MACROD2: variants seen among roughly 807,000 people sequenced by gnomAD.
MACROD2 encodes mono-ADP ribosylhydrolase 2.
A neutral mutation model predicts 70.4 loss-of-function variants in MACROD2; 36 were observed. That is an observed-to-expected ratio of 0.51 (90% CI 0.39 to 0.68). MACROD2 has a LOEUF of 0.68. MACROD2 is among the 30% of genes least tolerant of loss of function. The pLI, the probability that MACROD2 is intolerant of heterozygous loss-of-function variation, is 0.00. For missense variants in MACROD2, 496 were observed against 538.4 expected, an observed-to-expected ratio of 0.92 and a Z score of 0.78; for synonymous variants, 172 against 178.8, an observed-to-expected ratio of 0.96 and a Z score of 0.30.
At chr20:15,668,965 A>G (rs943500328) in intron 8 of MACROD2, among the ~76,000 whole-genome samples, 7 of 152,248 alleles carry the variant, frequency 4.6e-5, no homozygotes, top group African/African-American at 1.7e-4. Context: ...AGCATGACCT[A>G]GAAATAGCAA....
chr20:14,168,684 T>C (rs1046616250), intron 3 of MACROD2, among the ~76,000 whole-genome samples: 10 of 152,186 alleles, frequency 6.6e-5, no homozygotes, highest in African/African-American at 1.9e-4. Context: ...CAGGATAGTT[T>C]CACTGCCCTA....
chr20:14,565,669 A>G (rs1169842849), intron 4 of MACROD2, among the ~76,000 whole-genome samples: 1 of 151,980 alleles, frequency 6.6e-6, no homozygotes, highest in Non-Finnish European at 1.5e-5. Context: ...ATGTTATTAA[A>G]GTTCTTAAAA....
intron 5 of MACROD2, among the ~76,000 whole-genome samples, chr20:15,137,977 A>C (rs1471296202): frequency 1.3e-5 from 2 of 152,174 alleles, no homozygotes; most frequent in African/African-American, 4.8e-5. Flanking sequence ...TTTTCTAAGC[A>C]GTAGTTATTT....
chr20:15,627,772 T>A (rs565528959), intron 8 of MACROD2, among the ~76,000 whole-genome samples: 2 of 152,358 alleles, frequency 1.3e-5, no homozygotes, highest in African/African-American at 4.8e-5. Flanking sequence ...GCAGAATTCC[T>A]GCCCTTCTCC....
chr20:14,093,185 A>G (rs1388921224), intron 3 of MACROD2, among the ~76,000 whole-genome samples: 1 of 152,076 alleles, frequency 6.6e-6, no homozygotes, highest in East Asian at 1.9e-4. Context: ...AGCTCAGGCC[A>G]TCTTCCTGCC....
intron 8 of MACROD2, among the ~76,000 whole-genome samples, chr20:15,529,292 CTGTG>C (rs56136161): frequency 6.0e-5 from 9 of 149,248 alleles, no homozygotes; most frequent in Middle Eastern, 3.4e-3. Flanking sequence ...GTGTGCATGC[CTGTG>C]TGTGTGTGTG....
intron 6 of MACROD2, among the ~76,000 whole-genome samples, chr20:15,332,645 A>G: frequency 6.6e-6 from 1 of 151,408 alleles, no homozygotes; most frequent in East Asian, 1.9e-4. Flanking sequence ...CTTTCATGAG[A>G]CGATATATGA....
intron 8 of MACROD2, among the ~76,000 whole-genome samples, chr20:15,821,548 T>C (rs1465318760): frequency 6.6e-6 from 1 of 152,182 alleles, no homozygotes; most frequent in African/African-American, 2.4e-5. Context: ...AAATTGTATA[T>C]ACTTGCATGT....
chr20:15,365,969 T>G (rs1363625290), intron 6 of MACROD2, among the ~76,000 whole-genome samples: 1 of 152,194 alleles, frequency 6.6e-6, no homozygotes, highest in Non-Finnish European at 1.5e-5. Context: ...GATTGTTCAT[T>G]TCAAGTGGAC....
At chr20:14,873,773 C>G (rs1204807413) in intron 5 of MACROD2, among the ~76,000 whole-genome samples, 1 of 152,050 alleles carries the variant, frequency 6.6e-6, no homozygotes, top group Non-Finnish European at 1.5e-5. Flanking sequence ...GCAGGAGAAT[C>G]GCTTGAACCC....
intron 3 of MACROD2, among the ~76,000 whole-genome samples, chr20:14,437,796 G>A (rs1014269328): frequency 1.3e-5 from 2 of 152,082 alleles, no homozygotes; most frequent in Non-Finnish European, 2.9e-5. Context: ...ATTGTTTGAA[G>A]TGTTGCCTAT....
chr20:15,537,966 TAG>T (rs2047899350), intron 8 of MACROD2, among the ~76,000 whole-genome samples: 1 of 152,152 alleles, frequency 6.6e-6, no homozygotes, highest in South Asian at 2.1e-4. Context: ...CCCTAGCACT[TAG>T]TAGAGTGCCA....
rs1253342099 is a variant in MACROD2, at chr20:14,526,529, CT to C, written c.301+33028del. On this transcript the variant is annotated intron_variant, in intron 4 of 17. Transcript: ENST00000684519. ...GCCATCTTGTTTACATATTTCTGCA[CT>C]TTTTTTCTTCATAGACAGAAGTCTT... is the stretch of plus-strand genomic sequence containing the variant. Among the ~76,000 whole-genome samples the C allele has an allele frequency of 5.9e-5, 9 of 152,294 alleles. No homozygotes were observed. The South Asian group carries it at 1.0e-3, about 18-fold the overall frequency.
chr20:15,510,228 A>G (rs1209661846), intron 8 of MACROD2, among the ~76,000 whole-genome samples: 1 of 152,244 alleles, frequency 6.6e-6, no homozygotes, highest in Non-Finnish European at 1.5e-5. Context: ...ACCTCTGAGC[A>G]TGTGGTTGGA....
intron 5 of MACROD2, among the ~76,000 whole-genome samples, chr20:14,997,673 A>G (rs1054367333): frequency 6.6e-6 from 1 of 152,172 alleles, no homozygotes; most frequent in African/African-American, 2.4e-5. Flanking sequence ...TCAGAAGGGA[A>G]CCTGCCACCC....
chr20:14,176,438 G>A (rs2081263798), intron 3 of MACROD2, among the ~76,000 whole-genome samples: 1 of 152,126 alleles, frequency 6.6e-6, no homozygotes, highest in Non-Finnish European at 1.5e-5. Flanking sequence ...TGTGCTCTCT[G>A]GAGTTGCTAA....
chr20:15,250,316 T>A (rs1601299819), intron 6 of MACROD2, among the ~76,000 whole-genome samples: 2 of 152,210 alleles, frequency 1.3e-5, no homozygotes, highest in East Asian at 3.9e-4. Context: ...AGCTTTTATG[T>A]GGCAATATTC....
chr20:14,270,319 C>T (rs1191676708), intron 3 of MACROD2, among the ~76,000 whole-genome samples: 1 of 152,102 alleles, frequency 6.6e-6, no homozygotes, highest in Non-Finnish European at 1.5e-5. Context: ...CAACCGGGCA[C>T]AGTGGCTTAT....
intron 8 of MACROD2, among the ~76,000 whole-genome samples, chr20:15,592,421 TGCCCC>T (rs2048692380): frequency 6.6e-6 from 1 of 152,220 alleles, no homozygotes; most frequent in Non-Finnish European, 1.5e-5. Context: ...AGGCAGGGTT[TGCCCC>T]TTAGTCTGAA....
Sources: allele counts gnomAD v4.1 joint callset (sites outside exome capture counted in the v4.1 genomes callset), GRCh38; gene constraint gnomAD v4.1.1; transcripts MANE v1.5; gene names NCBI Gene and HGNC (gene_info 2026-07-23, HGNC 2026-07-21).